The following NUMB variants were observed in gnomAD, a reference collection of about 807,000 sequenced individuals.
NUMB encodes the protein protein numb homolog.
A neutral mutation model predicts 59.7 loss-of-function variants in NUMB; 29 were observed. The observed-to-expected ratio is 0.49, with a 90% CI of 0.36 to 0.66. NUMB has a LOEUF of 0.66. NUMB is among the 30% of genes least tolerant of loss of function. The pLI is 0.00. For missense variants in NUMB, 723 were observed against 822.0 expected, an observed-to-expected ratio of 0.88 and a Z score of 1.47; for synonymous variants, 288 against 288.2, an observed-to-expected ratio of 1.00 and a Z score of 0.01.
chr14:73,284,027 AT>A, intron 10 of NUMB, 53 bp downstream of exon 10: 2 of 1,503,050 alleles, frequency 1.3e-6, no homozygotes, highest in Non-Finnish European at 1.8e-6. Context: ...ATGGGAAGTG[AT>A]GAGAATGCTT....
chr14:73,360,581 C>T (rs1011178181), intron 3 of NUMB, among the ~76,000 whole-genome samples: 1 of 152,006 alleles, frequency 6.6e-6, no homozygotes, highest in Admixed American at 6.6e-5. Context: ...AAAGGTATGG[C>T]CCCTGCATGT....
At chr14:73,432,384 CTT>C (rs1160751047) in intron 1 of NUMB, among the ~76,000 whole-genome samples, 2 of 151,850 alleles carry the variant, frequency 1.3e-5, no homozygotes, top group African/African-American at 4.8e-5. Context: ...AGATACATGA[CTT>C]AAGATCCTCA....
At chr14:73,304,410 A>C (rs1890311507) in intron 6 of NUMB, among the ~76,000 whole-genome samples, 1 of 152,128 alleles carries the variant, frequency 6.6e-6, no homozygotes, top group African/African-American at 2.4e-5. Context: ...TCCTGGGCTC[A>C]AGTCATCTAC....
intron 6 of NUMB, among the ~76,000 whole-genome samples, chr14:73,306,363 G>A (rs1890427318): frequency 1.3e-5 from 2 of 152,120 alleles, no homozygotes; most frequent in Admixed American, 6.5e-5. Context: ...TATTTCAAAG[G>A]TATATAGTAG....
chr14:73,326,344 T>C (rs891679408), intron 4 of NUMB, among the ~76,000 whole-genome samples: 5 of 151,906 alleles, frequency 3.3e-5, no homozygotes, highest in African/African-American at 1.2e-4. Context: ...ACTAAACTGA[T>C]GGCCGGTCGC....
intron 1 of NUMB, among the ~76,000 whole-genome samples, chr14:73,419,885 A>G (rs1897287440): frequency 6.6e-6 from 1 of 152,126 alleles, no homozygotes; most frequent in Admixed American, 6.5e-5. Flanking sequence ...ATTTTTTTTG[A>G]GAAAGAGTCT....
intron 2 of NUMB, among the ~76,000 whole-genome samples, chr14:73,385,577 C>T (rs1013572601): frequency 7.0e-6 from 1 of 142,340 alleles, no homozygotes; most frequent in Non-Finnish European, 1.5e-5. Context: ...TCTCAGCTCA[C>T]GGTAACCTCC....
chr14:73,359,291 A>G (rs1365422830), intron 3 of NUMB, among the ~76,000 whole-genome samples: 3 of 152,222 alleles, frequency 2.0e-5, no homozygotes, highest in Non-Finnish European at 4.4e-5. Flanking sequence ...GGCTGCAGTG[A>G]GCTGAGATTG....
At position 73,325,807 on chromosome 14, in the gene NUMB, C is replaced by T. The variant is rs148015270; in HGVS notation, c.127-2603G>A. Among the ~76,000 whole-genome samples the T allele has an allele frequency of 3.4e-3, 518 of 152,228 alleles. 6 individuals are homozygous for T. Among genetic ancestry groups the T allele is most frequent in the Middle Eastern group, 0.034 (10 of 294 alleles). On this transcript the variant is annotated intron_variant, in intron 4 of 12. Coordinates refer to ENST00000555238, the MANE Select transcript of NUMB (RefSeq NM_001005743.2). ...TATTGGTTCTCTTACATCTCAGCCA[C>T]CAGGAAATCCTGTGATGGTGTGATA...
At chr14:73,395,202 T>TACACAC (rs142215964) in intron 2 of NUMB, among the ~76,000 whole-genome samples, 5 of 150,626 alleles carry the variant, frequency 3.3e-5, no homozygotes, top group Admixed American at 3.3e-4. Context: ...ACATGATGTA[T>TACACAC]ACACACACAC....
intron 1 of NUMB, among the ~76,000 whole-genome samples, chr14:73,454,315 T>C (rs1294452181): frequency 6.6e-6 from 1 of 152,230 alleles, no homozygotes; most frequent in African/African-American, 2.4e-5. Context: ...AGATGTGTTT[T>C]GGCAAGTCCA....
At chr14:73,316,343 G>C (rs1448471219) in intron 6 of NUMB, 47 bp downstream of exon 6, 1 of 1,539,422 alleles carries the variant, frequency 6.5e-7, no homozygotes, top group African/African-American at 1.4e-5. Flanking sequence ...GCTACACTAG[G>C]GGTGTAACTC....
At chr14:73,334,789 A>T (rs1041465681) in intron 4 of NUMB, among the ~76,000 whole-genome samples, 7 of 152,024 alleles carry the variant, frequency 4.6e-5, no homozygotes, top group Non-Finnish European at 1.0e-4. Flanking sequence ...TCTACTAAAA[A>T]CACAAAAAAA....
intron 3 of NUMB, among the ~76,000 whole-genome samples, chr14:73,365,786 T>C (rs1894317452): frequency 3.3e-5 from 5 of 152,216 alleles, no homozygotes; most frequent in Admixed American, 3.3e-4. Flanking sequence ...ATAGATACCT[T>C]ACTTTAATGA....
intron 2 of NUMB, among the ~76,000 whole-genome samples, chr14:73,379,380 T>C (rs766110031): frequency 1.3e-5 from 2 of 152,202 alleles, no homozygotes; most frequent in Non-Finnish European, 2.9e-5. Context: ...AATTACAAGA[T>C]AAGTATTCTT....
At chr14:73,346,215 C>T (rs1892911186) in intron 4 of NUMB, among the ~76,000 whole-genome samples, 3 of 152,072 alleles carry the variant, frequency 2.0e-5, no homozygotes, top group South Asian at 4.1e-4. Flanking sequence ...TGCGGTGGCT[C>T]ATGCCTGTAA....
rs575909158 is a variant in NUMB at position 73,302,778 on chromosome 14, A to G, written c.235-5493T>C. ...ACCATATAAACTAAGATTTCTGAGCACTTTTAAGAAAAGAAGATAAACATG... is the reference window on the plus strand; with the variant it reads ...ACCATATAAACTAAGATTTCTGAGCGCTTTTAAGAAAAGAAGATAAACATG... On this transcript the variant is annotated intron_variant, in intron 6 of 12. Coordinates refer to ENST00000555238, the MANE Select transcript of NUMB (RefSeq NM_001005743.2). Among the ~76,000 whole-genome samples, 6 of 152,268 alleles carry G rather than the reference A, an allele frequency of 3.9e-5. No homozygotes were observed. The East Asian group carries it at 1.2e-3, about 29-fold the overall frequency.
intron 1 of NUMB, among the ~76,000 whole-genome samples, chr14:73,445,844 A>G (rs1353439972): frequency 2.0e-5 from 3 of 152,176 alleles, no homozygotes; most frequent in Admixed American, 2.0e-4. Context: ...CTATTAGTTC[A>G]CGTCATAAAC....
rs1241878172 is a variant in NUMB at position 73,297,280 on chromosome 14, T to C, written c.240A>G (p.Gly80=). ...KFFKGFFGKT[G]KKAVKAVLWV... ...ACAGAACTGCTTTAACTGCTTTCTT[T>C]CCAGTCTTTTAAGAGAAACCAAAAA... is the stretch of plus-strand genomic sequence containing the variant. Residue 80 remains glycine, a synonymous_variant, in exon 7 of 13, where the codon GGA becomes GGG. Transcript: ENST00000555238. 6.2e-7 allele frequency: 1 copy of C among 1,607,004 alleles called. No individual in the cohort carries two copies. Among genetic ancestry groups the C allele is most frequent in the East Asian group, 2.2e-5 (1 of 44,748 alleles).
Sources: gnomAD v4.1 joint callset for allele counts (sites outside exome capture counted in the v4.1 genomes callset) on GRCh38, gnomAD v4.1.1 for gene constraint, MANE v1.5 for transcripts, NCBI Gene and HGNC (gene_info 2026-07-23, HGNC 2026-07-21) for gene names.